The following CFDP1 variants were observed in gnomAD, a reference collection of about 807,000 sequenced individuals.
CFDP1 encodes chromatin remodeling protein CFDP1, also known as heterochromatin-stabilizing protein CFDP1.
Under a neutral mutation model 40.1 loss-of-function variants are expected in CFDP1, and 31 were observed. That is an observed-to-expected ratio of 0.77 (90% CI 0.58 to 1.04). CFDP1 has a LOEUF of 1.04. Among genes scored for constraint, CFDP1 ranks in the 50% least tolerant of loss-of-function variants. CFDP1 has a pLI of 0.00. For missense variants in CFDP1, 423 were observed against 343.4 expected, an observed-to-expected ratio of 1.23 and a Z score of -1.83; for synonymous variants, 167 against 120.0, an observed-to-expected ratio of 1.39 and a Z score of -2.56.
At chr16:75,369,560 G>C (rs553129081) in intron 5 of CFDP1, among the ~76,000 whole-genome samples, 4 of 152,318 alleles carry the variant, frequency 2.6e-5, no homozygotes, top group Admixed American at 2.6e-4. Flanking sequence ...TGTATTGACA[G>C]AGACGTATGT....
intron 5 of CFDP1, among the ~76,000 whole-genome samples, chr16:75,321,327 T>A (rs1314185863): frequency 6.6e-6 from 1 of 152,176 alleles, no homozygotes; most frequent in Non-Finnish European, 1.5e-5. Context: ...ATTTCACCTA[T>A]TTAAAATGGT....
chr16:75,420,139 A>G (rs1444129365), intron 1 of CFDP1, among the ~76,000 whole-genome samples: 1 of 151,410 alleles, frequency 6.6e-6, no homozygotes, highest in Non-Finnish European at 1.5e-5. Context: ...AAAAAAAATT[A>G]AAAAGCAATT....
intron 5 of CFDP1, among the ~76,000 whole-genome samples, chr16:75,328,498 C>T (rs533975931): frequency 8.0e-4 from 115 of 142,958 alleles, no homozygotes; most frequent in Middle Eastern, 3.7e-3. Flanking sequence ...CTTCGGGAGG[C>T]TGAAGCAGGA....
At chr16:75,331,768 G>A (rs1490818524) in intron 5 of CFDP1, among the ~76,000 whole-genome samples, 1 of 152,096 alleles carries the variant, frequency 6.6e-6, no homozygotes, top group Admixed American at 6.5e-5. Flanking sequence ...GTTGTTTCCA[G>A]TTTTACACTA....
chr16:75,343,929 T>C (rs1031379492), intron 5 of CFDP1, among the ~76,000 whole-genome samples: 1 of 152,240 alleles, frequency 6.6e-6, no homozygotes, highest in Non-Finnish European at 1.5e-5. Flanking sequence ...TGCTTAATTG[T>C]GACATTTTAA....
In CFDP1 at chr16:75,349,696, T is replaced by TATATATATAC. The variant is rs1209804675; in HGVS notation, c.651-44515_651-44514insGTATATATAT. On this transcript the variant is annotated intron_variant, in intron 5 of 6. Transcript: ENST00000283882. The stretch of plus-strand genomic sequence containing the variant: ...AAAAAAAAAAAAAAAAAAAAATATA[T>TATATATATAC]ATACATACATATATACGGTTGATTT... Among the ~76,000 whole-genome samples the TATATATATAC allele has an allele frequency of 5.8e-4, 28 of 47,946 alleles. 2 individuals carry two copies. Among genetic ancestry groups the TATATATATAC allele is most frequent in the African/African-American group, 2.6e-3 (22 of 8,352 alleles). 31.5% of individuals were successfully genotyped at this position (47,946 alleles called of 152,430 possible).
intron 5 of CFDP1, among the ~76,000 whole-genome samples, chr16:75,317,948 T>C (rs1440972614): frequency 6.6e-6 from 1 of 151,060 alleles, no homozygotes; most frequent in Non-Finnish European, 1.5e-5. Context: ...CCACCCCCCA[T>C]CTCTACTAAA....
chr16:75,328,628 A>G (rs1597334468), intron 5 of CFDP1, among the ~76,000 whole-genome samples: 1 of 145,042 alleles, frequency 6.9e-6, no homozygotes, highest in African/African-American at 2.5e-5. Context: ...AAAAAACTAG[A>G]GTGGAGGAAG....
intron 1 of CFDP1, among the ~76,000 whole-genome samples, chr16:75,427,305 C>T (rs937287639): frequency 6.6e-6 from 1 of 151,766 alleles, no homozygotes; most frequent in Non-Finnish European, 1.5e-5. Context: ...GGCTGGAGTG[C>T]AGTGGCACAA....
rs369805408 is a variant in CFDP1 at position 75,328,087 on chromosome 16, G to A, written c.651-22905C>T. ...ATGGAAAGAGAACTGGGATGTTGAG[G>A]GGCAGGAGGTGGTATGAGAGTGTTA... On this transcript the variant is annotated intron_variant, in intron 5 of 6. Coordinates refer to ENST00000283882, the MANE Select transcript of CFDP1 (RefSeq NM_006324.3). Among the ~76,000 whole-genome samples, 14 of 151,870 alleles carry A rather than the reference G, an allele frequency of 9.2e-5. No individual in the cohort carries two copies. The East Asian group carries it at 2.2e-3, about 23-fold the overall frequency.
chr16:75,327,035 C>T (rs2078406657), intron 5 of CFDP1, among the ~76,000 whole-genome samples: 1 of 152,152 alleles, frequency 6.6e-6, no homozygotes, highest in South Asian at 2.1e-4. Context: ...CTTTGGGAGG[C>T]CGAGGCGGGC....
intron 5 of CFDP1, among the ~76,000 whole-genome samples, chr16:75,352,007 CAAAAAAAAAAAAAAA>C (rs3975153): frequency 2.3e-5 from 2 of 86,788 alleles, no homozygotes; most frequent in Non-Finnish European, 4.2e-5. Flanking sequence ...GACTCTGTCT[CAAAAAAAAAAAAAAA>C]AAAAAAAAAA....
intron 5 of CFDP1, among the ~76,000 whole-genome samples, chr16:75,332,961 C>T (rs937981502): frequency 6.6e-6 from 1 of 151,062 alleles, no homozygotes. Context: ...GGCCCTGCCA[C>T]CATGCCCGGC....
At chr16:75,397,639 A>T (rs2151567231) in intron 4 of CFDP1, among the ~76,000 whole-genome samples, 1 of 152,054 alleles carries the variant, frequency 6.6e-6, no homozygotes, top group African/African-American at 2.4e-5. Flanking sequence ...TGTCTCTACT[A>T]AAAAAAGTAA....
chr16:75,411,802 A>G (rs1359039540), intron 4 of CFDP1, 23 bp downstream of exon 4: 1 of 1,602,120 alleles, frequency 6.2e-7, no homozygotes, highest in East Asian at 2.2e-5. Flanking sequence ...TGCTAGTTTC[A>G]AAGTTTTTGA....
chr16:75,411,406 G>A (rs247434), intron 4 of CFDP1, among the ~76,000 whole-genome samples: 22,716 of 151,972 alleles, frequency 0.15, 1,860 homozygotes, highest in East Asian at 0.39. Flanking sequence ...GCAAGACTCC[G>A]TCTCAGAAAA....
intron 6 of CFDP1, among the ~76,000 whole-genome samples, chr16:75,296,448 G>A (rs1450369539): frequency 6.9e-6 from 1 of 145,444 alleles, no homozygotes; most frequent in Non-Finnish European, 1.5e-5. Context: ...TGTTGCCCAT[G>A]CTGGTCTCGA....
chr16:75,376,820 TGA>T (rs1371901530), intron 5 of CFDP1, among the ~76,000 whole-genome samples: 1 of 152,180 alleles, frequency 6.6e-6, no homozygotes, highest in Non-Finnish European at 1.5e-5. Context: ...TGACAACACC[TGA>T]GAGTTACCGC....
At chr16:75,309,543 G>A (rs1266263703) in intron 5 of CFDP1, among the ~76,000 whole-genome samples, 3 of 151,952 alleles carry the variant, frequency 2.0e-5, no homozygotes, top group Admixed American at 6.6e-5. Flanking sequence ...CAATCCAACC[G>A]GGCGCTGTGG....
Sources: allele counts gnomAD v4.1 joint callset (sites outside exome capture counted in the v4.1 genomes callset), GRCh38; gene constraint gnomAD v4.1.1; transcripts MANE v1.5; gene names NCBI Gene and HGNC (gene_info 2026-07-23, HGNC 2026-07-21).